SDK1: variants seen among roughly 807,000 people sequenced by gnomAD.
SDK1 encodes the protein sidekick cell adhesion molecule 1.
A neutral mutation model predicts 245.5 loss-of-function variants in SDK1; 157 were observed. That is an observed-to-expected ratio of 0.64 (90% CI 0.56 to 0.73). The LOEUF is 0.73. Ranked by LOEUF, SDK1 falls within the 30% of genes least tolerant of loss-of-function variation. The probability of loss-of-function intolerance (pLI) is 0.00; values close to 1 mark genes in which losing one functional copy is unlikely to be tolerated. For synonymous variants in SDK1, 1,647 were observed against 1,278.5 expected, an observed-to-expected ratio of 1.29 and a Z score of -6.15; for missense variants, 3,583 against 3,002.3, an observed-to-expected ratio of 1.19 and a Z score of -4.52.
At chr7:3,514,912 T>G (rs79692175) in intron 1 of SDK1, among the ~76,000 whole-genome samples, 3,518 of 152,204 alleles carry the variant, frequency 0.023, 147 homozygotes, top group African/African-American at 0.08. Flanking sequence ...TTTCACTCAT[T>G]TAAGTGTGAC....
At chr7:3,851,606 A>T (rs1318332643) in intron 5 of SDK1, among the ~76,000 whole-genome samples, 1 of 152,108 alleles carries the variant, frequency 6.6e-6, no homozygotes, top group Non-Finnish European at 1.5e-5. Flanking sequence ...TGTTATGAGG[A>T]TGTGTATTTT....
At chr7:3,879,446 G>A (rs1363316503) in intron 5 of SDK1, among the ~76,000 whole-genome samples, 1 of 152,176 alleles carries the variant, frequency 6.6e-6, no homozygotes, top group Non-Finnish European at 1.5e-5. Flanking sequence ...ACTTGCCCCT[G>A]ATGTCAGAAC....
intron 4 of SDK1, among the ~76,000 whole-genome samples, chr7:3,683,523 A>T (rs1864840): frequency 6.6e-6 from 1 of 152,212 alleles, no homozygotes; most frequent in African/African-American, 2.4e-5. Flanking sequence ...AGAAACTCAC[A>T]TATACCTGGT....
chr7:3,610,167 T>G (rs1249592711), intron 1 of SDK1, among the ~76,000 whole-genome samples: 1 of 152,248 alleles, frequency 6.6e-6, no homozygotes, highest in African/African-American at 2.4e-5. Flanking sequence ...TTTCTTGATA[T>G]AAAATTAAAC....
chr7:3,646,540 A>G (rs1272056824), intron 4 of SDK1, among the ~76,000 whole-genome samples: 1 of 152,122 alleles, frequency 6.6e-6, no homozygotes, highest in Non-Finnish European at 1.5e-5. Context: ...TACTTACCCC[A>G]GGGCCCCCAG....
Position 3,479,476 on chromosome 7 carries a change from G to A in SDK1, c.299-139604G>A, listed in dbSNP as rs114751082. Among the ~76,000 whole-genome samples, 405 of 150,708 alleles carry A rather than the reference G, an allele frequency of 2.7e-3. 3 individuals are homozygous for A. The highest frequency in any genetic ancestry group is 9.6e-3 in the African/African-American group (392 of 40,984). ...CTATTGTCCAATTGGTGGATACAGG[G>A]CTCTAAAAATATCTGTTAATCATAT... On this transcript the variant is annotated intron_variant, in intron 1 of 44. Coordinates refer to ENST00000404826, the MANE Select transcript of SDK1 (RefSeq NM_152744.4).
intron 2 of SDK1, among the ~76,000 whole-genome samples, chr7:3,638,331 A>C (rs1171127308): frequency 6.6e-6 from 1 of 152,192 alleles, no homozygotes; most frequent in African/African-American, 2.4e-5. Flanking sequence ...AGACACGTGC[A>C]CACGTATGTT....
At chr7:3,743,046 A>G (rs952002664) in intron 4 of SDK1, among the ~76,000 whole-genome samples, 6 of 152,218 alleles carry the variant, frequency 3.9e-5, no homozygotes, top group African/African-American at 1.4e-4. Context: ...ATTTGATTGT[A>G]CGGAACTTTC....
chr7:3,532,068 TG>T (rs1452877847), intron 1 of SDK1, among the ~76,000 whole-genome samples: 5 of 152,238 alleles, frequency 3.3e-5, no homozygotes. Flanking sequence ...CTATTGTTGA[TG>T]GAAATTTTTG....
At chr7:3,471,026 C>G (rs934012666) in intron 1 of SDK1, among the ~76,000 whole-genome samples, 1 of 152,110 alleles carries the variant, frequency 6.6e-6, no homozygotes, top group African/African-American at 2.4e-5. Flanking sequence ...TCTGAGTTGA[C>G]CAACAAGATT....
chr7:3,648,629 G>A (rs2128654965), intron 4 of SDK1, among the ~76,000 whole-genome samples: 2 of 152,308 alleles, frequency 1.3e-5, no homozygotes, highest in South Asian at 4.1e-4. Context: ...ATTAGCGCTT[G>A]CATTGGAAGT....
intron 1 of SDK1, among the ~76,000 whole-genome samples, chr7:3,319,878 CTTTTT>C (rs57770805): frequency 2.3e-5 from 2 of 88,144 alleles, no homozygotes; most frequent in South Asian, 4.0e-4. Context: ...CATTCTTAGT[CTTTTT>C]TTTTTTTTTT....
At chr7:3,485,192 A>T (rs530000751) in intron 1 of SDK1, among the ~76,000 whole-genome samples, 1 of 152,092 alleles carries the variant, frequency 6.6e-6, no homozygotes, top group African/African-American at 2.4e-5. Flanking sequence ...GATAATAGCT[A>T]TCATATCTGG....
chr7:4,227,355 C>G, intron 40 of SDK1: 1 of 470,666 alleles, frequency 2.1e-6, no homozygotes, highest in Non-Finnish European at 4.4e-6. Flanking sequence ...GCCTGCAACA[C>G]GGGCTTTCTT....
chr7:4,014,863 G>A (rs1009197847), intron 16 of SDK1, among the ~76,000 whole-genome samples: 4 of 152,128 alleles, frequency 2.6e-5, no homozygotes, highest in Non-Finnish European at 5.9e-5. Flanking sequence ...TATCACAAAA[G>A]CACCCGGAGC....
chr7:3,522,060 T>C (rs1782956920), intron 1 of SDK1, among the ~76,000 whole-genome samples: 1 of 152,116 alleles, frequency 6.6e-6, no homozygotes, highest in Admixed American at 6.5e-5. Flanking sequence ...CTTGACTTCA[T>C]AGGATTGTTA....
At position 4,139,539 on chromosome 7, in the gene SDK1, A is replaced by ATGTATATATGTGTGTGTG. The variant is rs1241464809; in HGVS notation, c.4229-6182_4229-6181insGTATATATGTGTGTGTGT. Among the ~76,000 whole-genome samples the ATGTATATATGTGTGTGTG allele has an allele frequency of 7.9e-4, 40 of 50,914 alleles. 7 individuals are homozygous for ATGTATATATGTGTGTGTG. Among genetic ancestry groups the ATGTATATATGTGTGTGTG allele is most frequent in the Non-Finnish European group, 3.4e-4 (8 of 23,566 alleles). 33.4% of individuals were successfully genotyped at this position (50,914 alleles called of 152,430 possible). On this transcript the variant is annotated intron_variant, in intron 28 of 44. Transcript: ENST00000404826. Reference sequence around the variant, plus strand: ...TATGTGTGTGTATGTGTGTGTGTATATATGTGTGTGTATATGTATATATGT... The same window carrying ATGTATATATGTGTGTGTG: ...TATGTGTGTGTATGTGTGTGTGTATATGTATATATGTGTGTGTGTATGTGTGTGTATATGTATATATGT...
At chr7:4,138,500 C>G (rs1199373788) in intron 28 of SDK1, among the ~76,000 whole-genome samples, 1 of 151,990 alleles carries the variant, frequency 6.6e-6, no homozygotes, top group Non-Finnish European at 1.5e-5. Flanking sequence ...AATCCCAGCA[C>G]TTTGGGAGGC....
intron 1 of SDK1, among the ~76,000 whole-genome samples, chr7:3,424,112 ATG>A (rs1433807809): frequency 6.6e-6 from 1 of 152,080 alleles, no homozygotes; most frequent in East Asian, 1.9e-4. Flanking sequence ...GGGTTTCACC[ATG>A]TTTGCCAGGC....
Sources: allele counts gnomAD v4.1 joint callset (sites outside exome capture counted in the v4.1 genomes callset), GRCh38; gene constraint gnomAD v4.1.1; transcripts MANE v1.5; gene names NCBI Gene and HGNC (gene_info 2026-07-23, HGNC 2026-07-21).